RFX3: variants seen among roughly 807,000 people sequenced by gnomAD.
RFX3 encodes transcription factor RFX3.
RFX3 carries 14 observed loss-of-function variants against 98.6 expected under a neutral mutation model. That is an observed-to-expected ratio of 0.14 (90% CI 0.09 to 0.22). RFX3 has a LOEUF of 0.22. Among genes scored for constraint, RFX3 ranks in the 10% least tolerant of loss-of-function variants. The pLI, the probability that RFX3 is intolerant of heterozygous loss-of-function variation, is 1.00. For synonymous variants in RFX3, 383 were observed against 328.4 expected, an observed-to-expected ratio of 1.17 and a Z score of -1.80; for missense variants, 639 against 926.9, an observed-to-expected ratio of 0.69 and a Z score of 4.03.
intron 2 of RFX3, among the ~76,000 whole-genome samples, chr9:3,350,092 G>A (rs1834929233): frequency 6.6e-6 from 1 of 152,042 alleles, no homozygotes; most frequent in African/African-American, 2.4e-5. Flanking sequence ...CACCAAAGGT[G>A]TAATTCATGG....
At position 3,270,990 on chromosome 9, in the gene RFX3, T is replaced by C; in HGVS notation, c.1202+13A>G. The C allele has an allele frequency of 1.9e-6, 3 of 1,613,754 alleles. No individual in the cohort carries two copies. The highest frequency in any genetic ancestry group is 2.5e-6 in the Non-Finnish European group (3 of 1,179,754). On this transcript the variant is annotated intron_variant, in intron 10 of 16. Coordinates refer to ENST00000617270, the MANE Select transcript of RFX3 (RefSeq NM_001282116.2). ...AGCCATGAAAATGAATTGGAAAAGA[T>C]GTTGATTCTGACCTCGATTCGGTAA...
At chr9:3,420,741 A>G (rs755759020) in intron 1 of RFX3, 3 of 971,680 alleles carry the variant, frequency 3.1e-6, no homozygotes, top group Non-Finnish European at 2.4e-6. Flanking sequence ...GTATCCTTCC[A>G]TAACTGCCTT....
intron 1 of RFX3, among the ~76,000 whole-genome samples, chr9:3,502,220 T>C (rs1816106874): frequency 6.6e-6 from 1 of 151,114 alleles, no homozygotes; most frequent in Non-Finnish European, 1.5e-5. Flanking sequence ...CATCACGCAC[T>C]GCACTCCAGC....
chr9:3,385,433 G>A (rs1039226029), intron 2 of RFX3, among the ~76,000 whole-genome samples: 6 of 151,978 alleles, frequency 3.9e-5, no homozygotes, highest in Non-Finnish European at 8.8e-5. Context: ...ACTCTTGGCC[G>A]GGTGCAGTGG....
intron 4 of RFX3, among the ~76,000 whole-genome samples, chr9:3,308,160 T>C (rs1486517193): frequency 6.6e-6 from 1 of 152,132 alleles, no homozygotes; most frequent in Non-Finnish European, 1.5e-5. Flanking sequence ...TCACTAATAG[T>C]GTACACCTCC....
intron 8 of RFX3, among the ~76,000 whole-genome samples, chr9:3,276,001 GT>G (rs1219155780): frequency 6.6e-6 from 1 of 152,018 alleles, no homozygotes; most frequent in African/African-American, 2.4e-5. Context: ...AACTCATTAT[GT>G]TCTTAACTGT....
Position 3,319,575 on chromosome 9 carries a change from G to C in RFX3, c.474+10684C>G, listed in dbSNP as rs376794837. 4.6e-5 allele frequency among the ~76,000 whole-genome samples: 7 copies of C among 152,124 alleles called. No homozygotes were observed. In the South Asian group the frequency reaches 1.4e-3, roughly 31 times the overall value. ...TGAACTTGTATAAGCAATATTATCA[G>C]AAGGTAAGCACAATTTTGATAAATC... On this transcript the variant is annotated intron_variant, in intron 4 of 16. Transcript: ENST00000617270.
At chr9:3,493,700 A>AT (rs1554724812) in intron 1 of RFX3, among the ~76,000 whole-genome samples, 767 of 71,436 alleles carry the variant, frequency 0.011, 2 homozygotes, top group Non-Finnish European at 0.015. Context: ...AAAAAAAAAA[A>AT]ATATATATAT....
intron 1 of RFX3, among the ~76,000 whole-genome samples, chr9:3,433,996 G>A (rs1329817593): frequency 6.6e-6 from 1 of 152,136 alleles, no homozygotes; most frequent in Non-Finnish European, 1.5e-5. Context: ...CCCTGCTCTA[G>A]AACAGTGTTT....
intron 4 of RFX3, among the ~76,000 whole-genome samples, chr9:3,308,782 G>C (rs961594156): frequency 1.3e-5 from 2 of 152,134 alleles, no homozygotes; most frequent in African/African-American, 2.4e-5. Flanking sequence ...GTTGCTGTGA[G>C]TGAGTTCAAT....
chr9:3,256,213 G>A (rs887286970), intron 14 of RFX3, among the ~76,000 whole-genome samples: 10 of 151,898 alleles, frequency 6.6e-5, no homozygotes, highest in African/African-American at 2.2e-4. Flanking sequence ...CTCGTGATCC[G>A]CCCACCTCAG....
intron 2 of RFX3, among the ~76,000 whole-genome samples, chr9:3,386,172 A>G (rs1839696504): frequency 6.6e-6 from 1 of 152,164 alleles, no homozygotes; most frequent in Non-Finnish European, 1.5e-5. Flanking sequence ...TTTCTAAAAT[A>G]GCTACAGAGG....
chr9:3,273,808 T>G (rs996214417), intron 9 of RFX3, among the ~76,000 whole-genome samples: 1 of 146,572 alleles, frequency 6.8e-6, no homozygotes, highest in Non-Finnish European at 1.5e-5. Context: ...GTGGTTGCAG[T>G]GAGCCGAGAT....
At chr9:3,236,994 A>C (rs633572) in intron 15 of RFX3, among the ~76,000 whole-genome samples, 2 of 152,114 alleles carry the variant, frequency 1.3e-5, no homozygotes, top group African/African-American at 2.4e-5. Context: ...AATAGTTTCT[A>C]TCTTGTGGCT....
chr9:3,381,347 G>T (rs191766660), intron 2 of RFX3, among the ~76,000 whole-genome samples: 2 of 151,938 alleles, frequency 1.3e-5, no homozygotes, highest in African/African-American at 4.8e-5. Flanking sequence ...TCAATAAAAA[G>T]ATTATTACTG....
chr9:3,387,202 C>T (rs546771723), intron 2 of RFX3, among the ~76,000 whole-genome samples: 37 of 152,288 alleles, frequency 2.4e-4, no homozygotes, highest in Non-Finnish European at 4.6e-4. Context: ...CTCCTAAGCA[C>T]TTTGTATCAA....
chr9:3,406,215 A>G (rs1468374803), intron 1 of RFX3, among the ~76,000 whole-genome samples: 1 of 151,788 alleles, frequency 6.6e-6, no homozygotes, highest in Middle Eastern at 3.2e-3. Context: ...CACCTGCCTC[A>G]GCCTCCCAAA....
rs1263719509 is a variant in RFX3 at position 3,270,855 on chromosome 9, CATG to C, written c.1202+145_1202+147del. 11 of 1,108,166 alleles carry C rather than the reference CATG, an allele frequency of 9.9e-6. No individual in the cohort carries two copies. The Admixed American group carries it at 1.1e-4, about 11-fold the overall frequency. 68.6% of individuals were successfully genotyped at this position (1,108,166 alleles called of 1,614,324 possible). On this transcript the variant is annotated intron_variant, in intron 10 of 16. Coordinates refer to ENST00000617270, the MANE Select transcript of RFX3 (RefSeq NM_001282116.2). ...ACACTGAAACCTCAAGAGAGCAGTTCATGGTTTATTTCTAGGATGGCCAAAACA... is the reference window on the plus strand; with the variant it reads ...ACACTGAAACCTCAAGAGAGCAGTTCGTTTATTTCTAGGATGGCCAAAACA...
intron 1 of RFX3, among the ~76,000 whole-genome samples, chr9:3,504,732 C>T (rs1490027541): frequency 8.4e-6 from 1 of 119,226 alleles, no homozygotes; most frequent in Non-Finnish European, 1.6e-5. Context: ...ATATTATATG[C>T]TATATGGTAT....
Sources: gnomAD v4.1 joint callset for allele counts (sites outside exome capture counted in the v4.1 genomes callset) on GRCh38, gnomAD v4.1.1 for gene constraint, MANE v1.5 for transcripts, NCBI Gene and HGNC (gene_info 2026-07-23, HGNC 2026-07-21) for gene names.